Variants in COL4A5 observed in about 807,000 individuals in gnomAD.
The protein encoded by COL4A5 is collagen type IV alpha 5 chain, also known as collagen alpha-5(IV) chain.
A neutral mutation model predicts 130.2 loss-of-function variants in COL4A5; 26 were observed. That is an observed-to-expected ratio of 0.20 (90% confidence interval 0.15 to 0.28). The LOEUF (loss-of-function observed/expected upper bound fraction) is 0.28. COL4A5 is among the 10% of genes least tolerant of loss of function. The pLI is 1.00. For missense variants in COL4A5, 1,131 were observed against 1,344.3 expected (o/e 0.84, Z 2.48); for synonymous variants, 496 against 439.6 (o/e 1.13, Z -1.60).
In COL4A5 at chrX:108,680,940, A is replaced by T. The variant is rs766806328; in HGVS notation, c.4071A>T (p.Gly1357=). The change falls in exon 46 of 53, where the codon GGA becomes GGT. Residue 1357 remains glycine (G), a synonymous_variant. Transcript: ENST00000328300. ...CAGCTGGCCCTGAGGGGGAACCGGGACTTATTGGTCCTCCAGGTAAGACTT... is the reference window on the plus strand; with the variant it reads ...CAGCTGGCCCTGAGGGGGAACCGGGTCTTATTGGTCCTCCAGGTAAGACTT... The part of the protein sequence containing the change: ...PGSAGPEGEP[G]LIGPPGPPGL... The T allele has an allele frequency of 1.7e-6, 2 of 1,206,055 alleles. No homozygotes were observed. The highest frequency in any genetic ancestry group is 2.3e-4 in the Middle Eastern group (1 of 4,361).
chrX:108,540,037 G>A (rs1011626699), intron 2 of COL4A5, among the ~76,000 whole-genome samples: 1 of 111,648 alleles, frequency 9.0e-6, no homozygotes, highest in African/African-American at 3.3e-5. Flanking sequence ...GGACACATCA[G>A]TTTCTGTCAC....
At chrX:108,598,504 ATAG>A (rs2066562651) in intron 24 of COL4A5, among the ~76,000 whole-genome samples, 195 bp from the exon 25 acceptor site, 1 of 112,103 alleles carries the variant, frequency 8.9e-6, no homozygotes, top group South Asian at 3.7e-4. Flanking sequence ...CACTTGACAC[ATAG>A]TAGGAGCCCA....
At chrX:108,622,592 A>G (rs2067077639) in intron 32 of COL4A5, 84 bp from the exon 33 acceptor site, 4 of 1,075,480 alleles carry the variant, frequency 3.7e-6, no homozygotes, top group South Asian at 1.9e-5. Context: ...CTACTCAACT[A>G]TGAAACATAT....
At chrX:108,566,684 G>A (rs949789453) in intron 4 of COL4A5, among the ~76,000 whole-genome samples, 2 of 110,349 alleles carry the variant, frequency 1.8e-5, no homozygotes, top group African/African-American at 6.6e-5. Context: ...GAGTAGCTGG[G>A]GCTACAGGCG....
chrX:108,512,841 A>G (rs1287788963), intron 1 of COL4A5, among the ~76,000 whole-genome samples: 1 of 111,449 alleles, frequency 9.0e-6, no homozygotes, highest in Non-Finnish European at 1.9e-5. Flanking sequence ...AGGGTTTGAG[A>G]GCAACCGGTC....
At position 108,681,852 on chromosome X, in the gene COL4A5, G is replaced by C. The variant is rs1339067074; in HGVS notation, c.4180G>C (p.Gly1394Arg). The change falls in exon 47 of 53, where the codon GGT (glycine) becomes CGT (arginine). Residue 1394 changes from glycine (G) to arginine (R), a missense_variant. By Grantham distance (125) the Gly-to-Arg change is moderately radical. Transcript: ENST00000328300. ...PGIPGQPGLK[G>R]LPGPQGPQGL... ...AATCCCTGGCCAGCCTGGGCTAAAGGGTCTACCAGGACCCCAAGGACCTCA... is the reference window on the plus strand; with the variant it reads ...AATCCCTGGCCAGCCTGGGCTAAAGCGTCTACCAGGACCCCAAGGACCTCA... The C allele has an allele frequency of 1.7e-6, 2 of 1,209,927 alleles. No homozygotes were observed. Among genetic ancestry groups the C allele is most frequent in the Non-Finnish European group, 2.2e-6 (2 of 894,703 alleles).
chrX:108,463,810 A>G (rs1230298266), intron 1 of COL4A5, among the ~76,000 whole-genome samples: 1 of 112,091 alleles, frequency 8.9e-6, no homozygotes, highest in East Asian at 2.8e-4. Flanking sequence ...GTAGAGAGAG[A>G]ATGCTCAAGA....
chrX:108,526,660 CTTCTTTCTTTCTCTTTCTTTCTT>C (rs1357314422), intron 1 of COL4A5, among the ~76,000 whole-genome samples: 163 of 38,611 alleles, frequency 4.2e-3, no homozygotes, highest in African/African-American at 7.7e-3. Flanking sequence ...TTCTTTCTTT[CTTCTTTCTTTCTCTTTCTTTCTT>C]TCTTTCTTTC....
intron 37 of COL4A5, among the ~76,000 whole-genome samples, chrX:108,657,073 T>A (rs2067857416): frequency 8.9e-6 from 1 of 112,099 alleles, no homozygotes; most frequent in Non-Finnish European, 1.9e-5. Context: ...TAAATATTTG[T>A]CTATTTGAGG....
chrX:108,692,147 C>T (rs1225782397), intron 49 of COL4A5, among the ~76,000 whole-genome samples: 2 of 111,931 alleles, frequency 1.8e-5, no homozygotes, highest in Non-Finnish European at 3.8e-5. Flanking sequence ...GTAAAGATAA[C>T]CTCTCTTGTC....
chrX:108,480,357 T>G (rs760697344), intron 1 of COL4A5, among the ~76,000 whole-genome samples: 19 of 112,769 alleles, frequency 1.7e-4, no homozygotes, highest in African/African-American at 5.8e-4. Flanking sequence ...TAGTCGGATT[T>G]ATTTCCTATC....
chrX:108,591,382 T>C (rs1362958627), intron 20 of COL4A5, 151 bp downstream of exon 20: 2 of 664,203 alleles, frequency 3.0e-6, no homozygotes, highest in African/African-American at 4.5e-5. Flanking sequence ...TTGGTAGTTC[T>C]TGGATGTTTA....
intron 1 of COL4A5, among the ~76,000 whole-genome samples, chrX:108,495,471 T>A (rs2065027249): frequency 9.0e-6 from 1 of 111,403 alleles, no homozygotes; most frequent in Non-Finnish European, 1.9e-5. Flanking sequence ...GAATATATAT[T>A]TTTAAAACTC....
intron 8 of COL4A5, among the ~76,000 whole-genome samples, chrX:108,572,208 A>G (rs905094895): frequency 9.0e-6 from 1 of 111,455 alleles, no homozygotes; most frequent in Non-Finnish European, 1.9e-5. Context: ...GCAGTCTTCT[A>G]TGTAAGGTCA....
At chrX:108,467,628 A>G (rs2064719456) in intron 1 of COL4A5, among the ~76,000 whole-genome samples, 1 of 111,694 alleles carries the variant, frequency 9.0e-6, no homozygotes, top group African/African-American at 3.3e-5. Flanking sequence ...CCAATCCAGG[A>G]ACACAAGATG....
chrX:108,533,385 T>C (rs1425401605), intron 1 of COL4A5, among the ~76,000 whole-genome samples: 1 of 111,414 alleles, frequency 9.0e-6, no homozygotes, highest in Admixed American at 9.6e-5. Flanking sequence ...TAACTCAGGA[T>C]GGATTAAAGA....
At chrX:108,674,020 C>A (rs975960677) in intron 42 of COL4A5, among the ~76,000 whole-genome samples, 1 of 108,543 alleles carries the variant, frequency 9.2e-6, no homozygotes, top group Non-Finnish European at 1.9e-5. Flanking sequence ...CCAGCCTGGG[C>A]GACAGAGTGA....
At chrX:108,567,858 C>T (rs1056073617) in intron 4 of COL4A5, among the ~76,000 whole-genome samples, 1 of 111,745 alleles carries the variant, frequency 8.9e-6, no homozygotes, top group Non-Finnish European at 1.9e-5. Flanking sequence ...TCCCACAACA[C>T]GTGGGAATTA....
chrX:108,571,714 C>T (rs1005813217), intron 7 of COL4A5, 97 bp from the exon 8 acceptor site: 1 of 646,912 alleles, frequency 1.5e-6, no homozygotes, highest in African/African-American at 2.2e-5. Context: ...GACGCTACAG[C>T]AGTCTACTCA....
Sources: gnomAD v4.1 joint callset for allele counts (sites outside exome capture counted in the v4.1 genomes callset) on GRCh38, gnomAD v4.1.1 for gene constraint, MANE v1.5 for transcripts, NCBI Gene and HGNC (gene_info 2026-07-23, HGNC 2026-07-21) for gene names.